Variants in PTH1R observed in about 807,000 individuals in gnomAD.
The protein encoded by PTH1R is parathyroid hormone 1 receptor.
PTH1R carries 32 observed loss-of-function variants against 70.7 expected under a neutral mutation model. The observed-to-expected ratio is 0.45, with a 90% confidence interval of 0.34 to 0.61. The LOEUF (loss-of-function observed/expected upper bound fraction) is 0.61, where lower values mean the gene tolerates loss of function less well. Ranked by LOEUF, PTH1R falls within the 20% of genes least tolerant of loss-of-function variation. PTH1R has a pLI of 0.01. For missense variants in PTH1R, 626 were observed against 792.5 expected (o/e 0.79, Z 2.52); for synonymous variants, 329 against 324.8 (o/e 1.01, Z -0.14).
Position 46,892,644 on chromosome 3 carries a change from C to G in PTH1R, c.76-1263C>G, listed in dbSNP as rs1178593931. ...GCCAGGCTCTCTGACCCGGCCTGCC[C>G]GCCCCTCTCGCCGGTGCCCGCCCCA... On this transcript the variant is annotated intron_variant, in intron 3 of 15. Coordinates refer to ENST00000449590, the MANE Select transcript of PTH1R (RefSeq NM_000316.3). The surrounding 1 kb of genome is among the most constrained non-coding windows in gnomAD (Gnocchi z 5.2). The G allele has an allele frequency of 2.7e-6, 2 of 728,790 alleles. No homozygotes were observed. The highest frequency in any genetic ancestry group is 1.7e-6 in the Non-Finnish European group (1 of 594,104). The allele number at this position is 728,790 out of a possible 1,614,324, so 45.1% of individuals were successfully genotyped here. A position where few individuals can be genotyped will look rare whatever the true frequency, so the allele number is the denominator to read the frequency against.
chr3:46,902,376 A>T lies in PTH1R; in HGVS notation c.1212-150A>T. The T allele has an allele frequency of 9.3e-7, 1 of 1,074,824 alleles. No homozygotes were observed. The highest frequency in any genetic ancestry group is 1.4e-6 in the Non-Finnish European group (1 of 724,172). The allele number at this position is 1,074,824 out of a possible 1,614,324, so 66.6% of individuals were successfully genotyped here. A position where few individuals can be genotyped will look rare whatever the true frequency, so the allele number is the denominator to read the frequency against. On this transcript the variant is annotated intron_variant, in intron 13 of 15. Coordinates refer to ENST00000449590, the MANE Select transcript of PTH1R (RefSeq NM_000316.3). The surrounding 1 kb of genome is among the most constrained non-coding windows in gnomAD (Gnocchi z 5.4). ...TTAGCACTTAGCCAGGACAGCAGCC[A>T]TGCAGGTGAACTGGGTTGTCCTCCC... is the stretch of plus-strand genomic sequence containing the variant.
intron 3 of PTH1R, among the ~76,000 whole-genome samples, chr3:46,889,551 T>A (rs1258955594): frequency 6.6e-6 from 1 of 152,134 alleles, no homozygotes; most frequent in Non-Finnish European, 1.5e-5. Context: ...TCAGTGTCCC[T>A]GTCTGTAAAA....
intron 4 of PTH1R, 43 bp downstream of exon 4, chr3:46,894,052 G>A (rs1212847406): frequency 6.3e-7 from 1 of 1,591,224 alleles, no homozygotes; most frequent in East Asian, 2.2e-5. Flanking sequence ...GGTCAGGTGA[G>A]GGAGGGGCCA....
intron 10 of PTH1R, 135 bp from the exon 11 acceptor site, chr3:46,900,890 C>A (rs2107053752): frequency 1.0e-6 from 1 of 973,636 alleles, no homozygotes; most frequent in Non-Finnish European, 1.6e-6. Flanking sequence ...GGCTCTGTCA[C>A]CAAGTGGACC....
chr3:46,897,327 G>A (rs1050141001), intron 5 of PTH1R, among the ~76,000 whole-genome samples: 2 of 152,210 alleles, frequency 1.3e-5, no homozygotes, highest in African/African-American at 4.8e-5. Flanking sequence ...TATCGCAGAG[G>A]CCATAGTAAA....
rs1030037005 is a variant in PTH1R, at chr3:46,893,821, G to T, written c.76-86G>T. 2.4e-6 allele frequency: 3 copies of T among 1,243,800 alleles called. No homozygotes were observed. The Admixed American group carries it at 5.8e-5, about 24-fold the overall frequency. 77.0% of individuals were successfully genotyped at this position (1,243,800 alleles called of 1,614,324 possible). ...TAGAGTCAGGGCCTTTTGAAAGGGG[G>T]TAGTCCCTCTGGGAAATTGGGATGT... On this transcript the variant is annotated intron_variant, in intron 3 of 15. Coordinates refer to ENST00000449590, the MANE Select transcript of PTH1R (RefSeq NM_000316.3). This position sits in a 1 kb window ranked among gnomAD's most constrained non-coding sequence, Gnocchi z 5.2.
At position 46,899,417 on chromosome 3, in the gene PTH1R, GAGA is replaced by G. The variant is rs763395894; in HGVS notation, c.955_957del (p.Lys319del). 1.2e-5 allele frequency: 19 copies of G among 1,613,572 alleles called. No individual in the cohort carries two copies. The highest frequency in any genetic ancestry group is 2.2e-5 in the South Asian group (2 of 91,046). ...CCTCATCTTCATGGCCTTCTTCTCA[GAGA>G]AGAAGTACCTGTGGGGCTTCACAGT... On this transcript the variant is annotated inframe_deletion, in exon 10 of 16. Coordinates refer to ENST00000449590, the MANE Select transcript of PTH1R (RefSeq NM_000316.3).
At chr3:46,898,633 C>G (rs778072162) in intron 8 of PTH1R, 29 bp from the exon 9 acceptor site, 1 of 1,610,152 alleles carries the variant, frequency 6.2e-7, no homozygotes, top group South Asian at 1.1e-5. Flanking sequence ...CCCGTGCCCC[C>G]ACCCACGGTC....
chr3:46,903,794 A>C lies in PTH1R; in HGVS notation c.*138A>C. 3.1e-5 allele frequency: 43 copies of C among 1,386,228 alleles called. No homozygotes were observed. Among genetic ancestry groups the C allele is most frequent in the Non-Finnish European group, 4.0e-5 (41 of 1,031,952 alleles). 85.9% of individuals were successfully genotyped at this position (1,386,228 alleles called of 1,614,324 possible). A position where few individuals can be genotyped will look rare whatever the true frequency, so the allele number is the denominator to read the frequency against. On this transcript the variant is annotated 3_prime_UTR_variant, in exon 16 of 16. Transcript: ENST00000449590. This position sits in a 1 kb window ranked among gnomAD's most constrained non-coding sequence, Gnocchi z 4.4. ...AAAAGAAAAAAAAAAGAAAAAGGAA[A>C]AGGAAGCGGTGTGTGGCTTCCTGTG...
Position 46,883,551 on chromosome 3 carries a change from G to A in PTH1R, c.-9G>A. On this transcript the variant is annotated 5_prime_UTR_variant, in exon 3 of 16. Transcript: ENST00000449590. This position sits in a 1 kb window ranked among gnomAD's most constrained non-coding sequence, Gnocchi z 6.4. The stretch of plus-strand genomic sequence containing the variant: ...GCTGCCCCGAGGGACGCGGCCCTAG[G>A]CGGTGGCGATGGGGACCGCCCGGAT... The A allele has an allele frequency of 6.5e-7, 1 of 1,533,268 alleles. No homozygotes were observed. The highest frequency in any genetic ancestry group is 8.7e-7 in the Non-Finnish European group (1 of 1,144,768). The allele number at this position is 1,533,268 out of a possible 1,614,324, so 95.0% of individuals were successfully genotyped here.
chr3:46,897,917 G>T lies in PTH1R; in HGVS notation c.376G>T (p.Val126Leu). The T allele has an allele frequency of 6.2e-7, 1 of 1,614,112 alleles. No homozygotes were observed. The highest frequency in any genetic ancestry group is 8.5e-7 in the Non-Finnish European group (1 of 1,180,038). The change falls in exon 6 of 16, where the codon GTG (valine) becomes TTG (leucine). Residue 126 changes from valine (V) to leucine (L), a missense_variant. Transcript: ENST00000449590. ...LCWPLGAPGE[V>L]VAVPCPDYIY... ...CTGGCCGCTGGGGGCACCAGGTGAGGTGGTGGCTGTGCCCTGTCCGGACTA... is the reference window on the plus strand; with the variant it reads ...CTGGCCGCTGGGGGCACCAGGTGAGTTGGTGGCTGTGCCCTGTCCGGACTA...
rs766289563 is a variant in PTH1R at position 46,903,708 on chromosome 3, A to C, written c.*52A>C. 8 of 1,600,562 alleles carry C rather than the reference A, an allele frequency of 5.0e-6. No homozygotes were observed. The highest frequency in any genetic ancestry group is 5.9e-6 in the Non-Finnish European group (7 of 1,179,710). On this transcript the variant is annotated 3_prime_UTR_variant, in exon 16 of 16. Transcript: ENST00000449590. The surrounding 1 kb of genome is among the most constrained non-coding windows in gnomAD (Gnocchi z 4.4). ...ACATAGTGGATGGACAGATGGACCA[A>C]AAGATGGGTGGTTGAATGATTTCCC...
At chr3:46,881,804 G>A (rs542809292) in intron 2 of PTH1R, among the ~76,000 whole-genome samples, 3 of 152,236 alleles carry the variant, frequency 2.0e-5, no homozygotes, top group African/African-American at 4.8e-5. Context: ...ACCCCGACCC[G>A]GCCCGAACGG....
intron 3 of PTH1R, among the ~76,000 whole-genome samples, chr3:46,887,226 G>A (rs1483480444): frequency 6.7e-6 from 1 of 149,086 alleles, no homozygotes; most frequent in East Asian, 1.9e-4. Flanking sequence ...GGCGACAGAG[G>A]CTCTGTAAAA....
Position 46,902,482 on chromosome 3 carries a change from A to G in PTH1R, c.1212-44A>G. 1 of 1,603,728 alleles carries G rather than the reference A, an allele frequency of 6.2e-7. No individual in the cohort carries two copies. The highest frequency in any genetic ancestry group is 8.5e-7 in the Non-Finnish European group (1 of 1,176,170). On this transcript the variant is annotated intron_variant, in intron 13 of 15. Coordinates refer to ENST00000449590, the MANE Select transcript of PTH1R (RefSeq NM_000316.3). This position sits in a 1 kb window ranked among gnomAD's most constrained non-coding sequence, Gnocchi z 5.4. ...TGGGGGGTGGCACAATGCTTGTTGA[A>G]GGGGAAGTGGCTTGGCCCTGACCTA...
chr3:46,881,325 C>T (rs966076899), intron 2 of PTH1R, among the ~76,000 whole-genome samples: 1 of 152,190 alleles, frequency 6.6e-6, no homozygotes, highest in Non-Finnish European at 1.5e-5. Context: ...CCTCCCCAGC[C>T]AAACACAGAA....
rs1427125433 is a variant in PTH1R at position 46,899,299 on chromosome 3, T to C, written c.835-4T>C. 6.2e-7 allele frequency: 1 copy of C among 1,613,772 alleles called. No individual in the cohort carries two copies. Among genetic ancestry groups the C allele is most frequent in the African/African-American group, 1.3e-5 (1 of 74,918 alleles). On this transcript the variant is annotated splice_polypyrimidine_tract_variant and splice_region_variant and intron_variant, in intron 9 of 15. Transcript: ENST00000449590. ...CCTCTGACTAACACCAGCTGGTCTC[T>C]TAGGCGGGCTGCAGGGTGGCTGTGA...
intron 3 of PTH1R, among the ~76,000 whole-genome samples, chr3:46,887,866 G>T (rs981891063): frequency 3.9e-5 from 6 of 152,152 alleles, no homozygotes; most frequent in Admixed American, 1.3e-4. Flanking sequence ...TGCATAATTT[G>T]TGTGTGTGTC....
Position 46,892,858 on chromosome 3 carries a change from AGG to A in PTH1R, c.76-1046_76-1045del. On this transcript the variant is annotated intron_variant, in intron 3 of 15. Coordinates refer to ENST00000449590, the MANE Select transcript of PTH1R (RefSeq NM_000316.3). This position sits in a 1 kb window ranked among gnomAD's most constrained non-coding sequence, Gnocchi z 5.2. ...CGTCTCAGGGGACATACCCCTGCCC[AGG>A]GGTCTGAGGAAACACGACCCTGAAT... 1 of 947,588 alleles carries A rather than the reference AGG, an allele frequency of 1.1e-6. No individual in the cohort carries two copies. Among genetic ancestry groups the A allele is most frequent in the Non-Finnish European group, 1.3e-6 (1 of 795,152 alleles). The allele number at this position is 947,588 out of a possible 1,614,324, so 58.7% of individuals were successfully genotyped here.
Sources: gnomAD v4.1 joint callset for allele counts (sites outside exome capture counted in the v4.1 genomes callset) on GRCh38, gnomAD v4.1.1 for gene constraint, Gnocchi (gnomAD v3.1) non-coding constraint, MANE v1.5 for transcripts, NCBI Gene and HGNC (gene_info 2026-07-23, HGNC 2026-07-21) for gene names.